DNAJB1: variants seen among roughly 807,000 people sequenced by gnomAD.
DNAJB1 encodes DnaJ heat shock protein family (Hsp40) member B1.
A neutral mutation model predicts 24.0 loss-of-function variants in DNAJB1; 14 were observed. The ratio of observed to expected loss-of-function variants is 0.58; its 90% confidence interval spans 0.39 to 0.91. The LOEUF is 0.91. Among genes scored for constraint, DNAJB1 ranks in the 40% least tolerant of loss-of-function variants. The pLI is 0.00. For missense variants in DNAJB1, 517 were observed against 458.1 expected (o/e 1.13, Z -1.17); for synonymous variants, 262 against 174.4 (o/e 1.50, Z -3.96).
At chr19:14,523,016 C>T (rs964955858), upstream of DNAJB1, among the ~76,000 whole-genome samples, 2 of 114,608 alleles carry the variant, frequency 1.7e-5, no homozygotes, top group Non-Finnish European at 3.4e-5. Flanking sequence ...GAGTTTGAGA[C>T]CAGCCTGTCC....
intron 1 of DNAJB1, among the ~76,000 whole-genome samples, chr19:14,538,331 C>A (rs887951392): frequency 2.6e-5 from 4 of 152,016 alleles, no homozygotes; most frequent in Non-Finnish European, 5.9e-5. Context: ...AGTTTTGTCA[C>A]CCTGTGAGGC....
At chr19:14,537,331 A>G (rs1292522550) in intron 1 of DNAJB1, among the ~76,000 whole-genome samples, 1 of 151,068 alleles carries the variant, frequency 6.6e-6, no homozygotes, top group Non-Finnish European at 1.5e-5. Flanking sequence ...GTGGGACGGG[A>G]TGAGTGGTGG....
chr19:14,558,957 CCT>C (rs1476571367), intron 1 of DNAJB1, among the ~76,000 whole-genome samples: 5 of 152,218 alleles, frequency 3.3e-5, no homozygotes, highest in African/African-American at 1.2e-4. Context: ...GCCCCTGCCC[CCT>C]GTTGGCCTCA....
At chr19:14,534,737 C>T (rs2072803337), upstream of DNAJB1, among the ~76,000 whole-genome samples, 1 of 151,978 alleles carries the variant, frequency 6.6e-6, no homozygotes, top group Non-Finnish European at 1.5e-5. Context: ...GCACCTTGCC[C>T]AGGGGTGAGT....
intron 2 of DNAJB1, among the ~76,000 whole-genome samples, chr19:14,526,100 A>T (rs2072420183): frequency 6.6e-6 from 1 of 152,228 alleles, no homozygotes; most frequent in South Asian, 2.1e-4. Context: ...TGGCATTCAA[A>T]TGGTCTCGGG....
chr19:14,521,938 A>AT (rs796191031), upstream of DNAJB1, among the ~76,000 whole-genome samples: 1,242 of 147,130 alleles, frequency 8.4e-3, 22 homozygotes, highest in African/African-American at 0.027. Context: ...GGAAGTTTTA[A>AT]TTTTTTTTTT....
At chr19:14,537,005 T>C (rs1207137445) in intron 1 of DNAJB1, among the ~76,000 whole-genome samples, 1 of 129,550 alleles carries the variant, frequency 7.7e-6, no homozygotes, top group Non-Finnish European at 1.6e-5. Context: ...GAGGTGGGGC[T>C]TGAGGACGGG....
intron 1 of DNAJB1, among the ~76,000 whole-genome samples, chr19:14,538,859 G>A (rs1257139110): frequency 6.6e-6 from 1 of 151,686 alleles, no homozygotes; most frequent in African/African-American, 2.4e-5. Context: ...TAATGAAGAA[G>A]GTCCACCAGG....
chr19:14,546,661 A>G (rs1350891757), intron 1 of DNAJB1, among the ~76,000 whole-genome samples: 1 of 152,168 alleles, frequency 6.6e-6, no homozygotes, highest in African/African-American at 2.4e-5. Flanking sequence ...ACCTTTGGTC[A>G]CTGAAATATT....
chr19:14,559,135 A>T (rs1176695531), intron 1 of DNAJB1, among the ~76,000 whole-genome samples: 1 of 152,176 alleles, frequency 6.6e-6, no homozygotes, highest in East Asian at 1.9e-4. Flanking sequence ...TTTGATGGGT[A>T]TGTGGGGCCT....
chr19:14,529,527 C>T (rs554883325), upstream of DNAJB1: 2 of 868,638 alleles, frequency 2.3e-6, no homozygotes, highest in East Asian at 2.6e-5. Flanking sequence ...CGAACGTGGG[C>T]GCCTCGTGCC....
At chr19:14,528,901 C>A (rs1240830436) in intron 1 of DNAJB1, among the ~76,000 whole-genome samples, 4 of 152,104 alleles carry the variant, frequency 2.6e-5, no homozygotes, top group South Asian at 2.1e-4. Flanking sequence ...CGTCATTGCG[C>A]CACTGCACTC....
upstream of DNAJB1, among the ~76,000 whole-genome samples, chr19:14,554,814 CTG>C (rs2073661052): frequency 6.6e-6 from 1 of 151,968 alleles, no homozygotes; most frequent in African/African-American, 2.4e-5. Context: ...GAGTTTCACT[CTG>C]TCACCAGGTT....
chr19:14,536,928 C>T (rs1168781084), intron 1 of DNAJB1, among the ~76,000 whole-genome samples: 2 of 143,834 alleles, frequency 1.4e-5, no homozygotes, highest in Non-Finnish European at 3.0e-5. Context: ...CTACTCACCT[C>T]TGGACCTCTG....
At chr19:14,549,424 G>T (rs1568412980) in intron 1 of DNAJB1, among the ~76,000 whole-genome samples, 1 of 151,902 alleles carries the variant, frequency 6.6e-6, no homozygotes, top group African/African-American at 2.4e-5. Context: ...TATTGGCCAG[G>T]CTAGTCTTGA....
intron 1 of DNAJB1, among the ~76,000 whole-genome samples, chr19:14,557,114 C>CTTACTTATTTAT (rs2073753948): frequency 7.1e-6 from 1 of 140,384 alleles, no homozygotes; most frequent in Non-Finnish European, 1.5e-5. Flanking sequence ...TTGGTCTAAT[C>CTTACTTATTTAT]TTATTTATTT....
intron 1 of DNAJB1, among the ~76,000 whole-genome samples, chr19:14,542,347 GTTTTTTTTTTTT>G (rs71166754): frequency 1.8e-3 from 78 of 43,302 alleles, no homozygotes; most frequent in African/African-American, 5.4e-3. Context: ...ATGCCATAGT[GTTTTTTTTTTTT>G]TTTTTTTTTT....
At chr19:14,517,376 C>G in intron 1 of DNAJB1, 1 of 261,012 alleles carries the variant, frequency 3.8e-6, no homozygotes, top group Non-Finnish European at 7.3e-6. Flanking sequence ...GGTCCAGGGT[C>G]GGCTTTCGGT....
chr19:14,516,346 ACT>A, intron 2 of DNAJB1, 118 bp downstream of exon 2: 1 of 1,287,644 alleles, frequency 7.8e-7, no homozygotes, highest in Non-Finnish European at 1.1e-6. Flanking sequence ...AGTCCTGTTC[ACT>A]GTTGTGCCCC....
Sources: allele counts gnomAD v4.1 joint callset (sites outside exome capture counted in the v4.1 genomes callset), GRCh38; gene constraint gnomAD v4.1.1; transcripts MANE v1.5; gene names NCBI Gene and HGNC (gene_info 2026-07-23, HGNC 2026-07-21).